Variants in FNDC3A observed in about 807,000 individuals in gnomAD.
FNDC3A encodes fibronectin type-III domain-containing protein 3A.
Under a neutral mutation model 148.9 loss-of-function variants are expected in FNDC3A, and 32 were observed. That is an observed-to-expected ratio of 0.21 (90% CI 0.16 to 0.29). The LOEUF (loss-of-function observed/expected upper bound fraction) is 0.29, where lower values mean the gene tolerates loss of function less well. Ranked by LOEUF, FNDC3A falls within the 10% of genes least tolerant of loss-of-function variation. The pLI is 1.00. For synonymous variants in FNDC3A, 472 were observed against 473.6 expected, an observed-to-expected ratio of 1.00 and a Z score of 0.04; for missense variants, 1,191 against 1,452.8, an observed-to-expected ratio of 0.82 and a Z score of 2.93.
rs371408228 is a variant in FNDC3A, at chr13:49,201,975, T to C, written c.3154+9T>C. On this transcript the variant is annotated intron_variant, in intron 24 of 25. Transcript: ENST00000492622. The stretch of plus-strand genomic sequence containing the variant: ...CCCAGCTGCCTTGAAAGGTAAGTTA[T>C]ACATCCTGAACTTATTTTCTTTATA... The C allele has an allele frequency of 4.7e-5, 71 of 1,505,892 alleles. No homozygotes were observed. Among genetic ancestry groups the C allele is most frequent in the Non-Finnish European group, 5.8e-5 (65 of 1,124,938 alleles). 93.3% of individuals were successfully genotyped at this position (1,505,892 alleles called of 1,614,324 possible). A position where few individuals can be genotyped will look rare whatever the true frequency, so the allele number is the denominator to read the frequency against.
chr13:49,175,588 G>T, intron 13 of FNDC3A, 47 bp downstream of exon 13: 1 of 1,339,942 alleles, frequency 7.5e-7, no homozygotes, highest in Admixed American at 2.2e-5. Context: ...AACATTTTCA[G>T]CTTAAGGAGA....
At chr13:49,049,452 G>C (rs996216893) in intron 2 of FNDC3A, among the ~76,000 whole-genome samples, 1 of 150,058 alleles carries the variant, frequency 6.7e-6, no homozygotes, top group African/African-American at 2.5e-5. Context: ...CTTTTTTTTT[G>C]TTTGCAGTTT....
intron 3 of FNDC3A, among the ~76,000 whole-genome samples, chr13:49,078,076 A>C (rs1024762586): frequency 6.6e-6 from 1 of 152,204 alleles, no homozygotes; most frequent in African/African-American, 2.4e-5. Context: ...TGGTGGGTAC[A>C]TTTTAACTAA....
At chr13:49,032,117 G>A (rs1023670572) in intron 2 of FNDC3A, among the ~76,000 whole-genome samples, 11 of 152,146 alleles carry the variant, frequency 7.2e-5, no homozygotes, top group African/African-American at 2.7e-4. Flanking sequence ...ATTATAATGG[G>A]TAGAATTAAA....
At chr13:49,131,058 G>A (rs1881999044) in intron 4 of FNDC3A, 79 bp from the exon 5 acceptor site, 2 of 1,131,962 alleles carry the variant, frequency 1.8e-6, no homozygotes, top group Middle Eastern at 2.1e-4. Flanking sequence ...GAGCTACCGT[G>A]CCTACCCTAC....
At chr13:49,109,147 G>A (rs1485328744) in intron 3 of FNDC3A, among the ~76,000 whole-genome samples, 4 of 152,196 alleles carry the variant, frequency 2.6e-5, no homozygotes, top group Admixed American at 6.5e-5. Flanking sequence ...GTGAGTTAAC[G>A]CAAGTAAAAC....
chr13:49,194,968 A>G (rs906103115), intron 19 of FNDC3A, among the ~76,000 whole-genome samples: 1 of 152,150 alleles, frequency 6.6e-6, no homozygotes, highest in African/African-American at 2.4e-5. Flanking sequence ...TACAGATGAA[A>G]TAGTTTCTAT....
intron 5 of FNDC3A, among the ~76,000 whole-genome samples, chr13:49,133,490 AG>A (rs1002344901): frequency 5.3e-5 from 8 of 152,242 alleles, no homozygotes; most frequent in African/African-American, 1.9e-4. Context: ...GGTAAAAGGG[AG>A]GAGTCATGTT....
In FNDC3A at chr13:49,191,246, T is replaced by C. The variant is rs948706207; in HGVS notation, c.2088T>C (p.Cys696=). The C allele has an allele frequency of 1.2e-6, 2 of 1,611,484 alleles. No homozygotes were observed. Among genetic ancestry groups the C allele is most frequent in the Non-Finnish European group, 1.7e-6 (2 of 1,179,150 alleles). ...TTGATGGTGGATCACCCATTTCCTG[T>C]TACAGTGTGGAAATGTCTCCTATAG... The part of the protein sequence containing the change: ...PLVDGGSPIS[C]YSVEMSPIEK... The change falls in exon 19 of 26, where the codon TGT becomes TGC. Residue 696 remains cysteine, a synonymous_variant. Transcript: ENST00000492622.
chr13:49,167,721 CTT>C (rs1884552114), intron 9 of FNDC3A, among the ~76,000 whole-genome samples: 2 of 151,234 alleles, frequency 1.3e-5, no homozygotes, highest in Non-Finnish European at 2.9e-5. Flanking sequence ...AAAAAAAAAA[CTT>C]TGCAGACTTC....
intron 1 of FNDC3A, among the ~76,000 whole-genome samples, chr13:48,986,515 C>A (rs1272761169): frequency 1.3e-5 from 2 of 148,794 alleles, no homozygotes; most frequent in African/African-American, 4.9e-5. Flanking sequence ...CCTGCCTCAG[C>A]CTCCTGAGTA....
chr13:49,111,392 A>G (rs1029205373), intron 3 of FNDC3A, among the ~76,000 whole-genome samples: 2 of 152,116 alleles, frequency 1.3e-5, no homozygotes, highest in Non-Finnish European at 2.9e-5. Flanking sequence ...TCACAGCAAT[A>G]TTTTAGGCAT....
chr13:49,117,004 A>G (rs1308416183), intron 4 of FNDC3A, among the ~76,000 whole-genome samples: 1 of 152,154 alleles, frequency 6.6e-6, no homozygotes, highest in African/African-American at 2.4e-5. Context: ...GGTCAGTATG[A>G]TTGGACTGAT....
intron 3 of FNDC3A, among the ~76,000 whole-genome samples, chr13:49,098,309 A>G (rs2137832147): frequency 6.6e-6 from 1 of 152,116 alleles, no homozygotes; most frequent in East Asian, 1.9e-4. Context: ...TTAATGTTTG[A>G]TCCTGACAGG....
intron 1 of FNDC3A, among the ~76,000 whole-genome samples, chr13:48,983,066 A>T (rs1951723969): frequency 6.6e-6 from 1 of 152,188 alleles, no homozygotes; most frequent in African/African-American, 2.4e-5. Context: ...TTTGTTGAAC[A>T]TTTAAAATGT....
Position 49,110,688 on chromosome 13 carries a change from G to A in FNDC3A, c.176-3967G>A, listed in dbSNP as rs147331793. Among the ~76,000 whole-genome samples the A allele has an allele frequency of 4.2e-3, 632 of 152,214 alleles. 4 individuals are homozygous for A. Among genetic ancestry groups the A allele is most frequent in the African/African-American group, 0.015 (603 of 41,526 alleles). On this transcript the variant is annotated intron_variant, in intron 3 of 25. Coordinates refer to ENST00000492622, the MANE Select transcript of FNDC3A (RefSeq NM_001079673.2). Reference sequence around the variant, plus strand: ...CATCAGATTATTTGGAAGCCATTGTGAACGCTGGCTTATAGAGAATGTGTA... The same window carrying A: ...CATCAGATTATTTGGAAGCCATTGTAAACGCTGGCTTATAGAGAATGTGTA...
chr13:49,076,929 C>T (rs1878153937), intron 3 of FNDC3A, among the ~76,000 whole-genome samples: 1 of 152,166 alleles, frequency 6.6e-6, no homozygotes, highest in Admixed American at 6.5e-5. Context: ...TTTGTATCCC[C>T]TTCAATTCTT....
intron 1 of FNDC3A, among the ~76,000 whole-genome samples, chr13:48,996,513 GT>G (rs1315026084): frequency 6.6e-6 from 1 of 152,104 alleles, no homozygotes; most frequent in Non-Finnish European, 1.5e-5. Flanking sequence ...CATTTATATT[GT>G]ATTAGGTATT....
intron 2 of FNDC3A, among the ~76,000 whole-genome samples, chr13:49,013,979 T>C (rs1856648922): frequency 6.7e-6 from 1 of 150,122 alleles, no homozygotes; most frequent in South Asian, 2.1e-4. Context: ...TGCCACATTT[T>C]CTTAATCCAG....
Sources: allele counts gnomAD v4.1 joint callset (sites outside exome capture counted in the v4.1 genomes callset), GRCh38; gene constraint gnomAD v4.1.1; transcripts MANE v1.5; gene names NCBI Gene and HGNC (gene_info 2026-07-23, HGNC 2026-07-21).